The following DENND1A variants were observed in gnomAD, a reference collection of about 807,000 sequenced individuals.
The protein encoded by DENND1A is DENN domain containing 1A, also known as DENN domain-containing protein 1A.
In DENND1A, 51 loss-of-function variants were observed where a neutral mutation model predicts 113.7. That is an observed-to-expected ratio of 0.45 (90% CI 0.36 to 0.57). The LOEUF is 0.57. Ranked by LOEUF, DENND1A falls within the 20% of genes least tolerant of loss-of-function variation. The probability of loss-of-function intolerance (pLI) is 0.00; values close to 1 mark genes in which losing one functional copy is unlikely to be tolerated. For synonymous variants in DENND1A, 565 were observed against 570.8 expected (o/e 0.99, Z 0.14); for missense variants, 1,258 against 1,395.9 (o/e 0.90, Z 1.57).
In DENND1A at chr9:123,413,545, C is replaced by T. The variant is rs1193915478; in HGVS notation, c.1489-1716G>A. 16 of 985,448 alleles carry T rather than the reference C, an allele frequency of 1.6e-5. No homozygotes were observed. The South Asian group carries it at 4.2e-4, about 26-fold the overall frequency. 61.0% of individuals were successfully genotyped at this position (985,448 alleles called of 1,614,324 possible). A position where few individuals can be genotyped will look rare whatever the true frequency, so the allele number is the denominator to read the frequency against. On this transcript the variant is annotated intron_variant, in intron 19 of 23. Coordinates refer to ENST00000394215, the MANE Select transcript of DENND1A (RefSeq NM_001352964.2). Reference sequence around the variant, plus strand: ...CTGTGTCCCAGTTGTCCCTGGGTCCCTGGTGCTCTGCATGGAACCTGTCGG... The same window carrying T: ...CTGTGTCCCAGTTGTCCCTGGGTCCTTGGTGCTCTGCATGGAACCTGTCGG...
At chr9:123,400,437 G>C (rs2043371845) in intron 21 of DENND1A, 1 of 152,304 alleles carries the variant, frequency 6.6e-6, no homozygotes, top group Non-Finnish European at 1.5e-5. Flanking sequence ...ATGGACATCA[G>C]CTGGGAAGGA....
chr9:123,797,573 C>T (rs1296670875), intron 2 of DENND1A, among the ~76,000 whole-genome samples: 1 of 151,994 alleles, frequency 6.6e-6, no homozygotes, highest in Non-Finnish European at 1.5e-5. Context: ...TTAAATATAG[C>T]GTTTCAAGGA....
intron 2 of DENND1A, among the ~76,000 whole-genome samples, chr9:123,837,474 A>C (rs1841206296): frequency 6.6e-6 from 1 of 152,236 alleles, no homozygotes; most frequent in Admixed American, 6.5e-5. Flanking sequence ...ATATATATGT[A>C]GTTTTTCTGA....
intron 10 of DENND1A, among the ~76,000 whole-genome samples, chr9:123,617,293 T>A (rs1164864697): frequency 6.6e-6 from 1 of 152,180 alleles, no homozygotes; most frequent in Non-Finnish European, 1.5e-5. Context: ...TAGTTTCCAT[T>A]TGTGGTTTCG....
chr9:123,545,950 C>T (rs528149742), intron 13 of DENND1A, among the ~76,000 whole-genome samples: 2 of 152,218 alleles, frequency 1.3e-5, no homozygotes, highest in South Asian at 4.1e-4. Context: ...TTTTAAAACA[C>T]CAGTAGCAGC....
At chr9:123,482,725 G>C (rs1564571428) in intron 13 of DENND1A, among the ~76,000 whole-genome samples, 1 of 152,234 alleles carries the variant, frequency 6.6e-6, no homozygotes, top group Non-Finnish European at 1.5e-5. Context: ...AGAGAACAAA[G>C]AACAAGGTCC....
intron 2 of DENND1A, among the ~76,000 whole-genome samples, chr9:123,869,501 C>T (rs1347908066): frequency 3.9e-5 from 6 of 152,118 alleles, no homozygotes; most frequent in African/African-American, 9.7e-5. Flanking sequence ...TTGAGTAAAG[C>T]TTTCTTTTTC....
At chr9:123,802,396 C>T (rs1188546902) in intron 2 of DENND1A, among the ~76,000 whole-genome samples, 1 of 70,338 alleles carries the variant, frequency 1.4e-5, no homozygotes, top group Non-Finnish European at 3.1e-5. Flanking sequence ...CACACCAACA[C>T]CACCACCACC....
intron 2 of DENND1A, among the ~76,000 whole-genome samples, chr9:123,865,066 TA>T (rs1253046455): frequency 6.6e-6 from 1 of 152,188 alleles, no homozygotes; most frequent in Non-Finnish European, 1.5e-5. Flanking sequence ...TATCCCTCCA[TA>T]GCTTTGCAGA....
chr9:123,877,547 G>C (rs1847679415), intron 2 of DENND1A, among the ~76,000 whole-genome samples: 2 of 151,738 alleles, frequency 1.3e-5, no homozygotes, highest in Admixed American at 1.3e-4. Flanking sequence ...AAACAGGCCG[G>C]GCATGGTGGC....
chr9:123,529,265 A>G (rs2055100928), intron 13 of DENND1A, among the ~76,000 whole-genome samples: 1 of 152,234 alleles, frequency 6.6e-6, no homozygotes, highest in Non-Finnish European at 1.5e-5. Flanking sequence ...GATACATTAA[A>G]AACAAATTAT....
intron 13 of DENND1A, among the ~76,000 whole-genome samples, chr9:123,506,606 A>T (rs976458497): frequency 6.7e-6 from 1 of 149,278 alleles, no homozygotes; most frequent in Non-Finnish European, 1.5e-5. Context: ...AAAAAAAAAG[A>T]ATTATTACTA....
chr9:123,693,804 A>ATATTATTATTATTATTAT (rs72061275), intron 5 of DENND1A, among the ~76,000 whole-genome samples: 49 of 140,198 alleles, frequency 3.5e-4, no homozygotes, highest in Non-Finnish European at 5.4e-4. Context: ...TTCATTAGCT[A>ATATTATTATTATTATTAT]TATTATTATT....
At chr9:123,883,586 C>T (rs1848605380) in intron 1 of DENND1A, among the ~76,000 whole-genome samples, 1 of 152,072 alleles carries the variant, frequency 6.6e-6, no homozygotes, top group Admixed American at 6.5e-5. Context: ...TTAAGAACTA[C>T]CAGTTAAGTA....
intron 2 of DENND1A, among the ~76,000 whole-genome samples, chr9:123,828,457 T>C (rs1249360437): frequency 6.6e-6 from 1 of 151,964 alleles, no homozygotes; most frequent in East Asian, 1.9e-4. Context: ...GAAAGAGAAT[T>C]GGCTTACAAG....
chr9:123,485,313 A>T (rs369108050), intron 13 of DENND1A, among the ~76,000 whole-genome samples: 5 of 152,222 alleles, frequency 3.3e-5, no homozygotes, highest in African/African-American at 1.2e-4. Context: ...GGTGTGGGCA[A>T]TAATTAAAGG....
chr9:123,891,139 C>A (rs1017500721), intron 1 of DENND1A, among the ~76,000 whole-genome samples: 9 of 152,184 alleles, frequency 5.9e-5, no homozygotes, highest in African/African-American at 2.2e-4. Context: ...GAGCTCACAA[C>A]CTGACTTCAG....
chr9:123,658,937 C>T (rs1468532248), intron 8 of DENND1A, among the ~76,000 whole-genome samples: 9 of 152,224 alleles, frequency 5.9e-5, no homozygotes, highest in Admixed American at 5.9e-4. Context: ...CATCTCAATG[C>T]TCAGATCATA....
intron 1 of DENND1A, among the ~76,000 whole-genome samples, chr9:123,898,015 A>C (rs898268485): frequency 6.6e-6 from 1 of 152,000 alleles, no homozygotes; most frequent in Non-Finnish European, 1.5e-5. Context: ...ACAACTAAAA[A>C]AAATTTTTTT....
Sources: gnomAD v4.1 joint callset for allele counts (sites outside exome capture counted in the v4.1 genomes callset) on GRCh38, gnomAD v4.1.1 for gene constraint, MANE v1.5 for transcripts, NCBI Gene and HGNC (gene_info 2026-07-23, HGNC 2026-07-21) for gene names.